SYT1: variants seen among roughly 807,000 people sequenced by gnomAD.
SYT1 encodes synaptotagmin-1.
SYT1 carries 8 observed loss-of-function variants against 44.8 expected under a neutral mutation model. That is an observed-to-expected ratio of 0.18 (90% CI 0.10 to 0.32). The LOEUF (loss-of-function observed/expected upper bound fraction) is 0.32, where lower values mean the gene tolerates loss of function less well. Among genes scored for constraint, SYT1 ranks in the 10% least tolerant of loss-of-function variants. The pLI, the probability that SYT1 is intolerant of heterozygous loss-of-function variation, is 1.00. For missense variants in SYT1, 286 were observed against 509.3 expected (o/e 0.56, Z 4.22); for synonymous variants, 154 against 188.8 (o/e 0.82, Z 1.51).
At chr12:78,930,554 A>T (rs994280240) in intron 1 of SYT1, among the ~76,000 whole-genome samples, 1 of 152,078 alleles carries the variant, frequency 6.6e-6, no homozygotes, top group Non-Finnish European at 1.5e-5. Context: ...AAGCCCAAGA[A>T]TGGTCATTCA....
intron 10 of SYT1, among the ~76,000 whole-genome samples, chr12:79,444,945 A>G (rs952062877): frequency 1.3e-5 from 2 of 152,136 alleles, no homozygotes; most frequent in Non-Finnish European, 2.9e-5. Context: ...GATAATATCC[A>G]ATAATTTTGG....
intron 1 of SYT1, among the ~76,000 whole-genome samples, chr12:78,899,508 A>C (rs117599766): frequency 0.022 from 3,295 of 152,160 alleles, 57 homozygotes; most frequent in South Asian, 0.046. Context: ...TAAGGTAAAA[A>C]AGATGCATGT....
intron 3 of SYT1, among the ~76,000 whole-genome samples, chr12:79,103,665 A>T (rs1878555559): frequency 6.6e-6 from 1 of 152,126 alleles, no homozygotes; most frequent in Admixed American, 6.5e-5. Context: ...TATTAGATTC[A>T]TAGTGGCTTC....
intron 4 of SYT1, among the ~76,000 whole-genome samples, chr12:79,243,863 TGGAA>T (rs1876660437): frequency 7.2e-6 from 1 of 138,278 alleles, no homozygotes; most frequent in Non-Finnish European, 1.6e-5. Flanking sequence ...GAAGGTGAGA[TGGAA>T]GGAAGGAGGG....
intron 9 of SYT1, among the ~76,000 whole-genome samples, chr12:79,410,115 C>A (rs899900187): frequency 6.6e-6 from 1 of 152,022 alleles, no homozygotes; most frequent in South Asian, 2.1e-4. Flanking sequence ...AGGTTTGAAT[C>A]CCTGAAGCAC....
At chr12:79,003,073 G>T (rs1257658298) in intron 2 of SYT1, among the ~76,000 whole-genome samples, 3 of 151,956 alleles carry the variant, frequency 2.0e-5, no homozygotes, top group Non-Finnish European at 4.4e-5. Context: ...CAATGAGAAA[G>T]TACAGCATCC....
intron 2 of SYT1, among the ~76,000 whole-genome samples, chr12:78,986,939 C>T (rs1383314239): frequency 6.6e-6 from 1 of 151,890 alleles, no homozygotes; most frequent in Non-Finnish European, 1.5e-5. Context: ...AGTTACGATG[C>T]AGAACTGAAA....
At chr12:79,123,078 G>C (rs1868305948) in intron 3 of SYT1, among the ~76,000 whole-genome samples, 1 of 152,134 alleles carries the variant, frequency 6.6e-6, no homozygotes, top group South Asian at 2.1e-4. Context: ...AGTTATGATG[G>C]AAAGAATAAA....
chr12:78,962,106 G>A (rs1592608550), intron 1 of SYT1, among the ~76,000 whole-genome samples: 1 of 151,954 alleles, frequency 6.6e-6, no homozygotes, highest in Non-Finnish European at 1.5e-5. Flanking sequence ...TTGAGTTTAG[G>A]TTTGCTTACT....
intron 1 of SYT1, among the ~76,000 whole-genome samples, chr12:78,904,000 C>T (rs1409215986): frequency 6.6e-6 from 1 of 151,806 alleles, no homozygotes; most frequent in Non-Finnish European, 1.5e-5. Flanking sequence ...TGATCTGTCT[C>T]ATTAATGGAA....
chr12:79,373,467 ATAATTACTAATT>A (rs1216167448), intron 9 of SYT1, among the ~76,000 whole-genome samples: 3 of 152,320 alleles, frequency 2.0e-5, no homozygotes, highest in African/African-American at 7.2e-5. Context: ...CCTTTAAAAT[ATAATTACTAATT>A]TGTTAATAAT....
intron 3 of SYT1, among the ~76,000 whole-genome samples, chr12:79,145,796 C>G (rs987030759): frequency 6.7e-6 from 1 of 150,248 alleles, no homozygotes; most frequent in Non-Finnish European, 1.5e-5. Flanking sequence ...CTCGCTCTGT[C>G]GCCCAGGCTG....
At chr12:79,414,804 C>G (rs1868632812) in intron 9 of SYT1, among the ~76,000 whole-genome samples, 1 of 152,110 alleles carries the variant, frequency 6.6e-6, no homozygotes, top group Admixed American at 6.6e-5. Flanking sequence ...AGAATCACAA[C>G]AGGCTCCTGG....
Position 79,016,729 on chromosome 12 carries a change from AT to A in SYT1, c.-83-30566del, listed in dbSNP as rs202004459. Among the ~76,000 whole-genome samples, 688 of 152,272 alleles carry A rather than the reference AT, an allele frequency of 4.5e-3. 5 individuals carry two copies. Among genetic ancestry groups the A allele is most frequent in the African/African-American group, 0.015 (639 of 41,564 alleles). Reference sequence around the variant, plus strand: ...ATGATGTCATGGAGGAGGCATGGTGATTAAGTTAATGTTCAGTATATGCCCA... The same window carrying A: ...ATGATGTCATGGAGGAGGCATGGTGATAAGTTAATGTTCAGTATATGCCCA... On this transcript the variant is annotated intron_variant, in intron 2 of 10. Transcript: ENST00000261205.
At chr12:78,944,293 G>A (rs1026349051) in intron 1 of SYT1, among the ~76,000 whole-genome samples, 2 of 135,948 alleles carry the variant, frequency 1.5e-5, no homozygotes, top group East Asian at 2.5e-4. Context: ...TAATGTTAGC[G>A]ATTAGAGATA....
chr12:79,446,567 T>C (rs976475777), intron 10 of SYT1, among the ~76,000 whole-genome samples: 1 of 152,146 alleles, frequency 6.6e-6, no homozygotes, highest in African/African-American at 2.4e-5. Context: ...TATAGGGCAG[T>C]CTTAAATGAC....
chr12:79,250,515 T>G (rs1327974975), intron 4 of SYT1, among the ~76,000 whole-genome samples: 1 of 152,218 alleles, frequency 6.6e-6, no homozygotes, highest in African/African-American at 2.4e-5. Flanking sequence ...GGTATATCTC[T>G]GCAGTGTTTT....
chr12:78,982,595 T>C (rs1282075581), intron 2 of SYT1, among the ~76,000 whole-genome samples: 1 of 152,150 alleles, frequency 6.6e-6, no homozygotes, highest in Non-Finnish European at 1.5e-5. Flanking sequence ...TTGAGTTACC[T>C]GAATCTCTAT....
intron 4 of SYT1, among the ~76,000 whole-genome samples, chr12:79,274,816 CTCA>C (rs1242753991): frequency 6.6e-6 from 1 of 152,202 alleles, no homozygotes; most frequent in Admixed American, 6.5e-5. Context: ...CAACATAGTA[CTCA>C]TAGTGAACAT....
Sources: allele counts gnomAD v4.1 joint callset (sites outside exome capture counted in the v4.1 genomes callset), GRCh38; gene constraint gnomAD v4.1.1; transcripts MANE v1.5; gene names NCBI Gene and HGNC (gene_info 2026-07-23, HGNC 2026-07-21).